The following C9orf85 variants were observed in gnomAD, a reference collection of about 807,000 sequenced individuals.
C9orf85 encodes the protein chromosome 9 open reading frame 85.
In C9orf85, 16 loss-of-function variants were observed where a neutral mutation model predicts 14.9. The observed-to-expected ratio is 1.08, with a 90% confidence interval of 0.73 to 1.63. C9orf85 has a LOEUF of 1.63. Ranked by LOEUF, C9orf85 falls within the 40% of genes most tolerant of loss-of-function variation. The pLI, the probability that C9orf85 is intolerant of heterozygous loss-of-function variation, is 0.00. For missense variants in C9orf85, 172 were observed against 186.1 expected, an observed-to-expected ratio of 0.92 and a Z score of 0.44; for synonymous variants, 45 against 56.8, an observed-to-expected ratio of 0.79 and a Z score of 0.93.
intron 1 of C9orf85, among the ~76,000 whole-genome samples, chr9:71,912,241 A>C (rs1363016943): frequency 6.6e-6 from 1 of 152,190 alleles, no homozygotes; most frequent in Non-Finnish European, 1.5e-5. Context: ...CCCCAAGCCC[A>C]TAGAGGAAAT....
chr9:71,928,006 T>C (rs1827970784), intron 1 of C9orf85, among the ~76,000 whole-genome samples: 1 of 151,986 alleles, frequency 6.6e-6, no homozygotes, highest in African/African-American at 2.4e-5. Flanking sequence ...GCCAACATGA[T>C]GAAACTCCGA....
intron 1 of C9orf85, among the ~76,000 whole-genome samples, chr9:71,936,643 C>G (rs1199676879): frequency 6.6e-6 from 1 of 151,684 alleles, no homozygotes; most frequent in Non-Finnish European, 1.5e-5. Context: ...GAAGATAGTT[C>G]AAAGATAATT....
At chr9:71,948,350 A>T (rs967842034) in intron 2 of C9orf85, among the ~76,000 whole-genome samples, 21 of 152,200 alleles carry the variant, frequency 1.4e-4, no homozygotes, top group Non-Finnish European at 2.9e-4. Flanking sequence ...GAAACTTAAG[A>T]TATAAAATAA....
At chr9:71,943,830 C>T (rs1003081649) in intron 1 of C9orf85, among the ~76,000 whole-genome samples, 2 of 151,196 alleles carry the variant, frequency 1.3e-5, no homozygotes, top group Non-Finnish European at 3.0e-5. Context: ...TGTGAGCCAC[C>T]GCACCCGGCC....
intron 2 of C9orf85, among the ~76,000 whole-genome samples, chr9:71,970,445 C>T (rs568756580): frequency 9.9e-5 from 15 of 152,222 alleles, no homozygotes; most frequent in Admixed American, 3.3e-4. Flanking sequence ...CAATTCCTCC[C>T]GGCCAATTTT....
At position 71,911,688 on chromosome 9, in the gene C9orf85, C is replaced by A; in HGVS notation, c.-47C>A. 6.5e-7 allele frequency: 1 copy of A among 1,536,310 alleles called. No individual in the cohort carries two copies. Among genetic ancestry groups the A allele is most frequent in the East Asian group, 2.2e-5 (1 of 44,500 alleles). On this transcript the variant is annotated 5_prime_UTR_variant, in exon 1 of 4. Transcript: ENST00000334731. ...GAGTAGTTCGTTGGTTTTCTTTCCC[C>A]TCATCCTTTTGCCTGCTCCCGGCGA...
intron 1 of C9orf85, among the ~76,000 whole-genome samples, chr9:71,926,941 G>A (rs1476344627): frequency 6.6e-6 from 1 of 151,950 alleles, no homozygotes; most frequent in Non-Finnish European, 1.5e-5. Flanking sequence ...CAAAGTTAAG[G>A]AAAATCTTAA....
intron 1 of C9orf85, among the ~76,000 whole-genome samples, chr9:71,914,189 C>T (rs1827587522): frequency 6.6e-6 from 1 of 152,140 alleles, no homozygotes; most frequent in Non-Finnish European, 1.5e-5. Flanking sequence ...TGACATCTAA[C>T]AAAGGAGTGA....
At chr9:71,974,698 G>A (rs1013193431), downstream of C9orf85, among the ~76,000 whole-genome samples, 8 of 152,166 alleles carry the variant, frequency 5.3e-5, no homozygotes, top group Admixed American at 1.3e-4. Flanking sequence ...GAATCAGGTC[G>A]ATGCATCTTC....
Position 71,915,275 on chromosome 9 carries a change from G to T in C9orf85, c.102+3439G>T, listed in dbSNP as rs528562641. Among the ~76,000 whole-genome samples, 76 of 151,704 alleles carry T rather than the reference G, an allele frequency of 5.0e-4. 1 individual carries two copies. In the South Asian group the frequency reaches 0.01, roughly 20 times the overall value. On this transcript the variant is annotated intron_variant, in intron 1 of 3. Transcript: ENST00000334731. Reference sequence around the variant, plus strand: ...GGATCACCACAACCTCCACCTCCTGGGTTCAAGTGATTCTCTTGTCTCAGC... The same window carrying T: ...GGATCACCACAACCTCCACCTCCTGTGTTCAAGTGATTCTCTTGTCTCAGC...
intron 1 of C9orf85, among the ~76,000 whole-genome samples, chr9:71,937,038 C>T (rs1828208389): frequency 6.6e-6 from 1 of 152,088 alleles, no homozygotes; most frequent in Admixed American, 6.6e-5. Flanking sequence ...GGATTATAGC[C>T]CTGAGCTACC....
intron 1 of C9orf85, among the ~76,000 whole-genome samples, chr9:71,935,989 C>A (rs1301790466): frequency 6.6e-6 from 1 of 151,664 alleles, no homozygotes; most frequent in Non-Finnish European, 1.5e-5. Context: ...TGAGAGGCCA[C>A]TTCAGTAATA....
chr9:71,941,959 C>G (rs1260849718), intron 1 of C9orf85: 2 of 152,152 alleles, frequency 1.3e-5, no homozygotes, highest in African/African-American at 4.8e-5. Context: ...ATAGTTGTCT[C>G]TGGGAGTGTA....
At chr9:71,941,949 A>G (rs1821940907) in intron 1 of C9orf85, 1 of 152,228 alleles carries the variant, frequency 6.6e-6, no homozygotes, top group South Asian at 2.1e-4. Context: ...GAAGATGTTA[A>G]TAGTTGTCTC....
chr9:71,968,776 G>T (rs1822772647), intron 2 of C9orf85, among the ~76,000 whole-genome samples: 1 of 152,176 alleles, frequency 6.6e-6, no homozygotes, highest in African/African-American at 2.4e-5. Flanking sequence ...AACAAAGGAG[G>T]GGAAGGGGTT....
intron 1 of C9orf85, among the ~76,000 whole-genome samples, chr9:71,943,741 A>G (rs1284914372): frequency 6.6e-6 from 1 of 150,992 alleles, no homozygotes; most frequent in Non-Finnish European, 1.5e-5. Context: ...GGGTTTCTCC[A>G]TGTTGGTCAG....
rs147774998 is a variant in C9orf85 at position 71,972,644 on chromosome 9, A to G, written c.324-48A>G. The stretch of plus-strand genomic sequence containing the variant: ...AAGTCTTTTCAATCTACATGGTTAA[A>G]TAATGATAGCCTGGGAAATAAATAG... On this transcript the variant is annotated intron_variant, in intron 3 of 3. Coordinates refer to ENST00000334731, the MANE Select transcript of C9orf85 (RefSeq NM_182505.5). 8.2e-5 allele frequency: 115 copies of G among 1,404,104 alleles called. 1 individual carries two copies. In the East Asian group the frequency reaches 2.6e-3, roughly 31 times the overall value. 87.0% of individuals were successfully genotyped at this position (1,404,104 alleles called of 1,614,324 possible).
chr9:71,976,594 G>A (rs1431148212), downstream of C9orf85, among the ~76,000 whole-genome samples: 3 of 151,480 alleles, frequency 2.0e-5, no homozygotes, highest in East Asian at 1.9e-4. Context: ...CCCGGGAGGC[G>A]GAGCTTACAG....
At chr9:71,915,734 T>C (rs1178836589) in intron 1 of C9orf85, among the ~76,000 whole-genome samples, 1 of 152,224 alleles carries the variant, frequency 6.6e-6, no homozygotes, top group African/African-American at 2.4e-5. Context: ...TATGTCTGTA[T>C]GATACAGTGC....
Sources: gnomAD v4.1 joint callset for allele counts (sites outside exome capture counted in the v4.1 genomes callset) on GRCh38, gnomAD v4.1.1 for gene constraint, MANE v1.5 for transcripts, NCBI Gene and HGNC (gene_info 2026-07-23, HGNC 2026-07-21) for gene names.